The following OR9Q1 variants were observed in gnomAD, a reference collection of about 807,000 sequenced individuals.
The protein encoded by OR9Q1 is olfactory receptor family 9 subfamily Q member 1.
For missense variants in OR9Q1, 374 were observed against 378.8 expected (o/e 0.99, Z 0.11); for synonymous variants, 153 against 148.6 (o/e 1.03, Z -0.22).
chr11:58,109,386 G>C (rs755136905), intron 2 of OR9Q1: 2 of 458,948 alleles, frequency 4.4e-6, no homozygotes, highest in East Asian at 1.4e-4. Context: ...AGCCATAGGA[G>C]ATAACTGTCT....
chr11:58,067,805 C>A (rs1414741535), intron 2 of OR9Q1, among the ~76,000 whole-genome samples: 1 of 152,186 alleles, frequency 6.6e-6, no homozygotes, highest in Non-Finnish European at 1.5e-5. Context: ...GGACTCGAGT[C>A]TCCTGGATCC....
chr11:58,120,841 T>G (rs951357336), intron 2 of OR9Q1, among the ~76,000 whole-genome samples: 5 of 147,278 alleles, frequency 3.4e-5, no homozygotes, highest in Non-Finnish European at 7.5e-5. Context: ...TATATTCTTG[T>G]TTTTTGACTG....
In OR9Q1 at chr11:58,179,550, C is replaced by T. The variant is rs375314389; in HGVS notation, c.106C>T (p.Leu36Phe). Reference sequence around the variant, plus strand: ...CTTCCTCTTGTTTTTATTTATGTATCTCATCACCGTATTGGGGAACTTAGA... The same window carrying T: ...CTTCCTCTTGTTTTTATTTATGTATTTCATCACCGTATTGGGGAACTTAGA... ...PLFLLFLFMY[L>F]ITVLGNLEMI... The change falls in exon 3 of 3, where the codon CTC becomes TTC. Residue 36 changes from leucine to phenylalanine, a missense_variant. Transcript: ENST00000335397. The T allele has an allele frequency of 6.2e-7, 1 of 1,612,958 alleles. No homozygotes were observed. Among genetic ancestry groups the T allele is most frequent in the Non-Finnish European group, 8.5e-7 (1 of 1,179,202 alleles).
intron 2 of OR9Q1, among the ~76,000 whole-genome samples, chr11:58,070,366 T>C (rs1418869408): frequency 6.6e-6 from 1 of 152,066 alleles, no homozygotes; most frequent in Non-Finnish European, 1.5e-5. Flanking sequence ...ATGTACATTA[T>C]ACTTTTCCCC....
At chr11:58,133,215 C>G (rs548985385) in intron 2 of OR9Q1, among the ~76,000 whole-genome samples, 1 of 150,146 alleles carries the variant, frequency 6.7e-6, no homozygotes, top group Non-Finnish European at 1.5e-5. Context: ...GGGTTTTTCT[C>G]TTTGTTTCTT....
At chr11:58,135,900 C>T (rs1854184724) in intron 2 of OR9Q1, among the ~76,000 whole-genome samples, 1 of 152,302 alleles carries the variant, frequency 6.6e-6, no homozygotes, top group Non-Finnish European at 1.5e-5. Context: ...GAACACTTTT[C>T]ACTTTTAGAA....
chr11:58,139,424 C>A (rs1044065158), intron 2 of OR9Q1, among the ~76,000 whole-genome samples: 2 of 151,928 alleles, frequency 1.3e-5, no homozygotes, highest in Non-Finnish European at 2.9e-5. Context: ...CTAATGCTAT[C>A]CCTCCCCGCT....
At chr11:58,144,875 A>G (rs1473094117) in intron 2 of OR9Q1, 2 of 152,304 alleles carry the variant, frequency 1.3e-5, no homozygotes, top group African/African-American at 4.8e-5. Context: ...CCCCTCCTCT[A>G]TGCCATAGTC....
chr11:58,032,313 C>CA (rs954288592), intron 1 of OR9Q1, among the ~76,000 whole-genome samples: 46 of 151,146 alleles, frequency 3.0e-4, no homozygotes, highest in East Asian at 9.7e-4. Context: ...CAATCCTAAG[C>CA]AAAAAAAACC....
Position 58,119,915 on chromosome 11 carries a change from T to A in OR9Q1, c.-14-59516T>A, listed in dbSNP as rs529892046. ...ACACTGGCCTTAGTTTTACCCCTTC[T>A]AGATACAGCAATTTTAATCACTTCT... is the stretch of plus-strand genomic sequence containing the variant. On this transcript the variant is annotated intron_variant, in intron 2 of 2. Coordinates refer to ENST00000335397, the MANE Select transcript of OR9Q1 (RefSeq NM_001005212.4). 3.3e-4 allele frequency among the ~76,000 whole-genome samples: 50 copies of A among 152,280 alleles called. No homozygotes were observed. In the South Asian group the frequency reaches 5.4e-3, roughly 16 times the overall value.
At chr11:58,129,971 G>T (rs1306238683) in intron 2 of OR9Q1, among the ~76,000 whole-genome samples, 1 of 151,934 alleles carries the variant, frequency 6.6e-6, no homozygotes, top group East Asian at 1.9e-4. Context: ...GAATGTGCAG[G>T]TTTGTTACAT....
chr11:58,040,785 A>C (rs141663350), intron 1 of OR9Q1: 3,220 of 152,252 alleles, frequency 0.021, 50 homozygotes, highest in Middle Eastern at 0.061. Context: ...AGTTTTTCCC[A>C]CTTGCGATGA....
At chr11:58,041,762 A>G (rs1457535037) in intron 1 of OR9Q1, 1 of 152,178 alleles carries the variant, frequency 6.6e-6, no homozygotes, top group African/African-American at 2.4e-5. Flanking sequence ...CAGTTCTACA[A>G]CTTGTGATGG....
chr11:58,128,317 T>C, intron 2 of OR9Q1, among the ~76,000 whole-genome samples: 1 of 149,350 alleles, frequency 6.7e-6, no homozygotes, highest in East Asian at 1.9e-4. Context: ...AAAAGCTTAC[T>C]ATAAAGCTTT....
chr11:58,112,707 C>T (rs1185903104), intron 2 of OR9Q1, among the ~76,000 whole-genome samples: 1 of 152,130 alleles, frequency 6.6e-6, no homozygotes, highest in Admixed American at 6.5e-5. Context: ...ATGGGAAAAC[C>T]TACACAATAA....
intron 2 of OR9Q1, among the ~76,000 whole-genome samples, chr11:58,147,074 G>A (rs1404585736): frequency 6.6e-6 from 1 of 152,182 alleles, no homozygotes. Context: ...TGAAACAACA[G>A]TTGGTGCATC....
chr11:58,061,282 G>A lies in OR9Q1; in HGVS notation c.-15+5335G>A, dbSNP rs115117556. ...TATTGGGCAAAATTACACAGAGGAC[G>A]TGGGAGCCAGCTTTTCTCCAAAGTT... On this transcript the variant is annotated intron_variant, in intron 2 of 2. Coordinates refer to ENST00000335397, the MANE Select transcript of OR9Q1 (RefSeq NM_001005212.4). Among the ~76,000 whole-genome samples the A allele has an allele frequency of 1.4e-3, 207 of 152,276 alleles. 1 individual carries two copies. Among genetic ancestry groups the A allele is most frequent in the African/African-American group, 4.3e-3 (179 of 41,550 alleles).
intron 2 of OR9Q1, among the ~76,000 whole-genome samples, chr11:58,172,051 T>C (rs539178385): frequency 6.6e-6 from 1 of 152,314 alleles, no homozygotes; most frequent in East Asian, 1.9e-4. Context: ...GAAAAGCTAA[T>C]GAGGAGACAA....
chr11:58,037,761 C>CA (rs1459372142), intron 1 of OR9Q1, among the ~76,000 whole-genome samples: 1 of 114,570 alleles, frequency 8.7e-6, no homozygotes, highest in East Asian at 2.6e-4. Context: ...CTCAGTCGCC[C>CA]AGGCTGGGAT....
Sources: gnomAD v4.1 joint callset for allele counts (sites outside exome capture counted in the v4.1 genomes callset) on GRCh38, gnomAD v4.1.1 for gene constraint, MANE v1.5 for transcripts, NCBI Gene and HGNC (gene_info 2026-07-23, HGNC 2026-07-21) for gene names.